Variants in PPARGC1A observed in about 807,000 individuals in gnomAD.
PPARGC1A encodes the protein peroxisome proliferator-activated receptor gamma coactivator 1-alpha.
A neutral mutation model predicts 88.7 loss-of-function variants in PPARGC1A; 25 were observed. That is an observed-to-expected ratio of 0.28 (90% confidence interval 0.21 to 0.39). The LOEUF is 0.39. Among genes scored for constraint, PPARGC1A ranks in the 10% least tolerant of loss-of-function variants. PPARGC1A has a pLI of 1.00. For synonymous variants in PPARGC1A, 363 were observed against 355.6 expected, an observed-to-expected ratio of 1.02 and a Z score of -0.24; for missense variants, 880 against 968.7, an observed-to-expected ratio of 0.91 and a Z score of 1.22.
At chr4:23,987,204 G>C in the PPARGC1A span, among the ~76,000 whole-genome samples, 81 of 152,134 alleles carry the variant, frequency 5.3e-4, 3 homozygotes, top group African/African-American at 1.7e-3. Context: ...AGAATATTGA[G>C]TTTGTCCACC....
At chr4:23,966,135 A>G in the PPARGC1A span, among the ~76,000 whole-genome samples, 3 of 152,196 alleles carry the variant, frequency 2.0e-5, no homozygotes, top group African/African-American at 7.2e-5. Flanking sequence ...ATTGTTAAAC[A>G]AAGGAAAGTG....
chr4:24,291,437 A>C, the PPARGC1A span, among the ~76,000 whole-genome samples: 1 of 143,722 alleles, frequency 7.0e-6, no homozygotes, highest in East Asian at 2.0e-4. Context: ...TTGAACAATG[A>C]ATCATAGCTC....
chr4:23,921,046 C>T, the PPARGC1A span, among the ~76,000 whole-genome samples: 3 of 152,022 alleles, frequency 2.0e-5, no homozygotes, highest in African/African-American at 4.8e-5. Flanking sequence ...TCCCGTGCCA[C>T]CCCCCACCCA....
chr4:24,280,917 T>A, the PPARGC1A span, among the ~76,000 whole-genome samples: 1 of 152,236 alleles, frequency 6.6e-6, no homozygotes, highest in African/African-American at 2.4e-5. Flanking sequence ...GCAGTCCATG[T>A]TCTCTTGGGT....
the PPARGC1A span, among the ~76,000 whole-genome samples, chr4:24,121,990 T>C: frequency 6.6e-6 from 1 of 151,886 alleles, no homozygotes; most frequent in Non-Finnish European, 1.5e-5. Flanking sequence ...TCACTGATGC[T>C]GACTCAAAGG....
the PPARGC1A span, among the ~76,000 whole-genome samples, chr4:24,156,580 T>C: frequency 2.6e-5 from 4 of 152,174 alleles, no homozygotes; most frequent in Non-Finnish European, 4.4e-5. Context: ...TTTTTTGCTC[T>C]CTGAATAAAT....
At chr4:24,287,064 C>CA in the PPARGC1A span, among the ~76,000 whole-genome samples, 1 of 152,084 alleles carries the variant, frequency 6.6e-6, no homozygotes, top group Non-Finnish European at 1.5e-5. Flanking sequence ...GAGAGGTTCT[C>CA]AACCACGGTA....
chr4:24,029,053 C>T, the PPARGC1A span, among the ~76,000 whole-genome samples: 1 of 152,130 alleles, frequency 6.6e-6, no homozygotes, highest in Non-Finnish European at 1.5e-5. Flanking sequence ...TACATAACCT[C>T]AACCAATGTT....
At chr4:24,380,468 A>G in the PPARGC1A span, among the ~76,000 whole-genome samples, 1 of 152,238 alleles carries the variant, frequency 6.6e-6, no homozygotes, top group African/African-American at 2.4e-5. Context: ...ACTGTAGGAA[A>G]GAGTCCAGCC....
chr4:24,325,005 C>G, the PPARGC1A span, among the ~76,000 whole-genome samples: 18 of 152,304 alleles, frequency 1.2e-4, no homozygotes, highest in East Asian at 5.8e-4. Flanking sequence ...GTTTCATTCT[C>G]TGACTAGCCC....
chr4:24,203,657 T>C, the PPARGC1A span, among the ~76,000 whole-genome samples: 9 of 152,238 alleles, frequency 5.9e-5, no homozygotes, highest in African/African-American at 2.2e-4. Flanking sequence ...TCTTTGAATA[T>C]AAAAATCCAT....
At chr4:23,863,761 T>G (rs1237277791) in intron 2 of PPARGC1A, among the ~76,000 whole-genome samples, 2 of 152,176 alleles carry the variant, frequency 1.3e-5, no homozygotes, top group Non-Finnish European at 2.9e-5. Flanking sequence ...TGTTGTTGTT[T>G]TTTGAGACAG....
chr4:24,326,334 AGTTAGTTCAGGAT>A, the PPARGC1A span, among the ~76,000 whole-genome samples: 1 of 150,642 alleles, frequency 6.6e-6, no homozygotes, highest in African/African-American at 2.4e-5. Flanking sequence ...AAGCCTTACA[AGTTAGTTCAGGAT>A]CTGCGCCTTA....
At chr4:23,797,236 T>C (rs1221434599) in intron 12 of PPARGC1A, among the ~76,000 whole-genome samples, 1 of 152,118 alleles carries the variant, frequency 6.6e-6, no homozygotes, top group East Asian at 1.9e-4. Context: ...GCATCTTAAA[T>C]AGTCAATTCT....
the PPARGC1A span, among the ~76,000 whole-genome samples, chr4:23,973,067 G>A: frequency 6.6e-6 from 1 of 152,132 alleles, no homozygotes. Context: ...CTTCCTCTGT[G>A]GTCTTCCTGG....
the PPARGC1A span, among the ~76,000 whole-genome samples, chr4:23,919,903 A>G: frequency 2.6e-5 from 4 of 152,218 alleles, no homozygotes; most frequent in Non-Finnish European, 5.9e-5. Context: ...GGTTCTTGCT[A>G]ATAAAAGATC....
the PPARGC1A span, among the ~76,000 whole-genome samples, chr4:24,270,312 TCTCTCTCTCTCTC>T: frequency 7.7e-3 from 32 of 4,174 alleles, no homozygotes; most frequent in East Asian, 0.37. Flanking sequence ...TCAACCTCTC[TCTCTCTCTCTCTC>T]TCTCTCTCTG....
chr4:24,360,785 C>T, the PPARGC1A span, among the ~76,000 whole-genome samples: 1 of 152,140 alleles, frequency 6.6e-6, no homozygotes, highest in African/African-American at 2.4e-5. Flanking sequence ...TAATGCAATG[C>T]TTGGATATAG....
the PPARGC1A span, among the ~76,000 whole-genome samples, chr4:24,002,022 T>C: frequency 1.3e-5 from 2 of 151,282 alleles, no homozygotes; most frequent in Non-Finnish European, 2.9e-5. Flanking sequence ...CAGGAAGTCA[T>C]TGAATGTGGC....
Sources: allele counts gnomAD v4.1 joint callset (sites outside exome capture counted in the v4.1 genomes callset), GRCh38; gene constraint gnomAD v4.1.1; transcripts MANE v1.5; gene names NCBI Gene and HGNC (gene_info 2026-07-23, HGNC 2026-07-21).